Variants in TPST1 observed in about 807,000 individuals in gnomAD.
TPST1 encodes the protein protein-tyrosine sulfotransferase 1.
TPST1 carries 20 observed loss-of-function variants against 34.8 expected under a neutral mutation model. The ratio of observed to expected loss-of-function variants is 0.57; its 90% CI spans 0.40 to 0.84. The LOEUF (loss-of-function observed/expected upper bound fraction) is 0.84, where lower values mean the gene tolerates loss of function less well. Ranked by LOEUF, TPST1 falls within the 40% of genes least tolerant of loss-of-function variation. The pLI is 0.00. For synonymous variants in TPST1, 152 were observed against 159.4 expected (o/e 0.95, Z 0.35); for missense variants, 353 against 455.5 (o/e 0.78, Z 2.05).
chr7:66,316,226 T>C (rs892799151), intron 3 of TPST1, among the ~76,000 whole-genome samples: 7 of 152,234 alleles, frequency 4.6e-5, no homozygotes, highest in African/African-American at 1.7e-4. Flanking sequence ...AGAATTGTTT[T>C]TAAGGGTTTT....
chr7:66,300,382 A>C (rs1189079044), intron 3 of TPST1, among the ~76,000 whole-genome samples: 1 of 152,176 alleles, frequency 6.6e-6, no homozygotes, highest in Non-Finnish European at 1.5e-5. Flanking sequence ...CTTCAGGCTC[A>C]CTTCTAGTTA....
intron 1 of TPST1, among the ~76,000 whole-genome samples, chr7:66,215,546 T>C (rs909106141): frequency 3.3e-5 from 5 of 151,020 alleles, no homozygotes; most frequent in African/African-American, 1.2e-4. Context: ...AGCTAATTTT[T>C]TGTATTTTTA....
At chr7:66,246,697 G>A (rs760192110) in intron 2 of TPST1, among the ~76,000 whole-genome samples, 1 of 152,200 alleles carries the variant, frequency 6.6e-6, no homozygotes, top group Non-Finnish European at 1.5e-5. Flanking sequence ...GGGCTGCTTT[G>A]TCAGCTTTGC....
At chr7:66,215,591 G>A in intron 1 of TPST1, among the ~76,000 whole-genome samples, 1 of 151,584 alleles carries the variant, frequency 6.6e-6, no homozygotes, top group East Asian at 1.9e-4. Context: ...AGCCAGGATG[G>A]TCTCGATCTC....
chr7:66,299,389 C>T lies in TPST1; in HGVS notation c.1044+12680C>T, dbSNP rs75666591. Reference sequence around the variant, plus strand: ...GGACATAGAGTTCTAGGCTATTGGTCGTTTTGTATTTTTTTTAACTTTCAA... The same window carrying T: ...GGACATAGAGTTCTAGGCTATTGGTTGTTTTGTATTTTTTTTAACTTTCAA... On this transcript the variant is annotated intron_variant, in intron 3 of 5. Transcript: ENST00000304842. Among the ~76,000 whole-genome samples the T allele has an allele frequency of 8.0e-3, 1,104 of 138,354 alleles. 15 individuals carry two copies. The highest frequency in any genetic ancestry group is 0.027 in the African/African-American group (980 of 36,772). The allele number at this position is 138,354 out of a possible 152,430, so 90.8% of individuals were successfully genotyped here.
upstream of TPST1, among the ~76,000 whole-genome samples, chr7:66,201,381 CAAAAAAAAAAAA>C (rs138553925): frequency 1.4e-5 from 1 of 73,528 alleles, no homozygotes; most frequent in Non-Finnish European, 2.8e-5. Context: ...CCATCTCTAC[CAAAAAAAAAAAA>C]AAAAAAAAAG....
chr7:66,270,561 G>A (rs576654983), intron 2 of TPST1, among the ~76,000 whole-genome samples: 3 of 152,252 alleles, frequency 2.0e-5, no homozygotes, highest in Admixed American at 6.5e-5. Flanking sequence ...AATTTGACAA[G>A]TCTTCTCTTT....
In TPST1 at chr7:66,238,196, C is replaced by T. The variant is rs549224061; in HGVS notation, c.-101-2129C>T. On this transcript the variant is annotated intron_variant, in intron 1 of 5. Transcript: ENST00000304842. ...CCTTATCTTATCTCCTGCTAAATCA[C>T]GGAGATTTGGAGAGTTCCTTCAGAC... Among the ~76,000 whole-genome samples the T allele has an allele frequency of 7.9e-5, 12 of 152,198 alleles. No homozygotes were observed. In the South Asian group the frequency reaches 8.3e-4, roughly 11 times the overall value.
At chr7:66,356,050 A>G (rs1458234118) in intron 4 of TPST1, among the ~76,000 whole-genome samples, 6 of 152,278 alleles carry the variant, frequency 3.9e-5, no homozygotes. Flanking sequence ...TAAAAAAAGA[A>G]ACAATCATGC....
chr7:66,283,529 T>C (rs149994492), intron 2 of TPST1, among the ~76,000 whole-genome samples: 234 of 152,250 alleles, frequency 1.5e-3, no homozygotes, highest in African/African-American at 5.4e-3. Flanking sequence ...CATGAATGAG[T>C]GTGGCTGTGT....
intron 2 of TPST1, among the ~76,000 whole-genome samples, chr7:66,273,064 A>G (rs1440211180): frequency 6.6e-6 from 1 of 152,234 alleles, no homozygotes; most frequent in Non-Finnish European, 1.5e-5. Context: ...TGTTAGAACT[A>G]GTTAATGAAT....
At chr7:66,326,832 AGACT>A (rs558016517) in intron 3 of TPST1, among the ~76,000 whole-genome samples, 39 of 152,350 alleles carry the variant, frequency 2.6e-4, no homozygotes, top group African/African-American at 8.9e-4. Context: ...TCATGCTTCT[AGACT>A]GACTAATTTT....
At chr7:66,235,859 G>A (rs144871938) in intron 1 of TPST1, among the ~76,000 whole-genome samples, 1,523 of 152,218 alleles carry the variant, frequency 0.01, 15 homozygotes, top group Non-Finnish European at 0.018. Flanking sequence ...GACTTGAAGC[G>A]GGGAAGGGGC....
At chr7:66,206,561 A>G (rs1236998705) in intron 1 of TPST1, among the ~76,000 whole-genome samples, 7 of 152,218 alleles carry the variant, frequency 4.6e-5, no homozygotes, top group Non-Finnish European at 8.8e-5. Flanking sequence ...CAATTCTGCT[A>G]TCCGTGCCAT....
chr7:66,309,367 T>C (rs1304044623), intron 3 of TPST1, among the ~76,000 whole-genome samples: 1 of 152,226 alleles, frequency 6.6e-6, no homozygotes, highest in African/African-American at 2.4e-5. Flanking sequence ...GTTAATGTAC[T>C]CATATATTGA....
At chr7:66,304,407 TA>T (rs1791381511) in intron 3 of TPST1, among the ~76,000 whole-genome samples, 1 of 152,270 alleles carries the variant, frequency 6.6e-6, no homozygotes, top group East Asian at 1.9e-4. Context: ...CCTGACCTCT[TA>T]AAAATAATGG....
At chr7:66,259,985 A>G (rs909091981) in intron 2 of TPST1, among the ~76,000 whole-genome samples, 2 of 152,158 alleles carry the variant, frequency 1.3e-5, no homozygotes, top group Non-Finnish European at 2.9e-5. Context: ...CTTTTCCAGA[A>G]TGTCATGGAG....
chr7:66,235,184 A>ATTT lies in TPST1; in HGVS notation c.-101-5124_-101-5122dup, dbSNP rs767189278. Among the ~76,000 whole-genome samples the ATTT allele has an allele frequency of 1.8e-3, 236 of 129,820 alleles. 1 individual carries two copies. Among genetic ancestry groups the ATTT allele is most frequent in the East Asian group, 5.3e-3 (23 of 4,366 alleles). 85.2% of individuals were successfully genotyped at this position (129,820 alleles called of 152,430 possible). Reference sequence around the variant, plus strand: ...ATAATGGATGCAATGTTCTGCATAGATTTTTTTTTTTTTTTTTTTGAGACA... The same window carrying ATTT: ...ATAATGGATGCAATGTTCTGCATAGATTTTTTTTTTTTTTTTTTTTTTGAGACA... On this transcript the variant is annotated intron_variant, in intron 1 of 5. Coordinates refer to ENST00000304842, the MANE Select transcript of TPST1 (RefSeq NM_003596.4).
chr7:66,226,373 A>G (rs1194498007), intron 1 of TPST1, among the ~76,000 whole-genome samples: 1 of 152,206 alleles, frequency 6.6e-6, no homozygotes. Flanking sequence ...TAGAGAAGTC[A>G]CGAGGAGAAT....
Sources: gnomAD v4.1 joint callset for allele counts (sites outside exome capture counted in the v4.1 genomes callset) on GRCh38, gnomAD v4.1.1 for gene constraint, MANE v1.5 for transcripts, NCBI Gene and HGNC (gene_info 2026-07-23, HGNC 2026-07-21) for gene names.